ZNF652: variants seen among roughly 807,000 people sequenced by gnomAD.
ZNF652 encodes the protein zinc finger protein 652.
Under a neutral mutation model 45.2 loss-of-function variants are expected in ZNF652, and 16 were observed. The ratio of observed to expected loss-of-function variants is 0.35; its 90% CI spans 0.24 to 0.54. The LOEUF (loss-of-function observed/expected upper bound fraction) is 0.54. Ranked by LOEUF, ZNF652 falls within the 20% of genes least tolerant of loss-of-function variation. The pLI is 0.91. For missense variants in ZNF652, 614 were observed against 765.6 expected, an observed-to-expected ratio of 0.80 and a Z score of 2.34; for synonymous variants, 250 against 260.6, an observed-to-expected ratio of 0.96 and a Z score of 0.39.
rs750023180 is a variant in ZNF652 at position 49,317,062 on chromosome 17, G to A, written c.664C>T (p.Arg222Cys). The change falls in exon 2 of 6, where the codon CGT becomes TGT. Residue 222 changes from arginine (R) to cysteine (C), a missense_variant. Physicochemically the swap from Arg to Cys is radical, Grantham distance 180. Coordinates refer to ENST00000430262, the MANE Select transcript of ZNF652 (RefSeq NM_001145365.3). The part of the protein sequence containing the change: ...GRRKSVEPPK[R>C]KKRATKEPKA... Reference sequence around the variant, plus strand: ...GGCTCCTTTGTGGCCCGCTTCTTACGCTTAGGTGGCTCTACACTCTTCCTA... The same window carrying A: ...GGCTCCTTTGTGGCCCGCTTCTTACACTTAGGTGGCTCTACACTCTTCCTA... 16 of 1,613,916 alleles carry A rather than the reference G, an allele frequency of 9.9e-6. No individual in the cohort carries two copies. The highest frequency in any genetic ancestry group is 4.0e-5 in the African/African-American group (3 of 74,868).
intron 5 of ZNF652, among the ~76,000 whole-genome samples, chr17:49,303,512 T>C (rs1705003744): frequency 6.6e-6 from 1 of 152,132 alleles, no homozygotes; most frequent in African/African-American, 2.4e-5. Flanking sequence ...AGTGCTGAGA[T>C]TACAGGTGTG....
intron 1 of ZNF652, among the ~76,000 whole-genome samples, chr17:49,341,318 A>G (rs1239845710): frequency 6.6e-6 from 1 of 151,928 alleles, no homozygotes; most frequent in Non-Finnish European, 1.5e-5. Context: ...AGAGCACATC[A>G]ACTGAAAAAA....
At chr17:49,313,996 AAAAAAAAAAAAAAAAAAG>A (rs2143782025) in intron 2 of ZNF652, among the ~76,000 whole-genome samples, 2 of 142,806 alleles carry the variant, frequency 1.4e-5, no homozygotes, top group South Asian at 2.3e-4. Context: ...AAAAAAAAAA[AAAAAAAAAAAAAAAAAAG>A]AAAAGAAAAG....
chr17:49,333,921 G>A (rs1432574641), intron 1 of ZNF652, among the ~76,000 whole-genome samples: 2 of 151,928 alleles, frequency 1.3e-5, no homozygotes, highest in African/African-American at 4.8e-5. Flanking sequence ...AGCCTCATAT[G>A]TTACTGGTAG....
At chr17:49,326,991 A>G (rs181396861) in intron 1 of ZNF652, among the ~76,000 whole-genome samples, 76 of 152,188 alleles carry the variant, frequency 5.0e-4, no homozygotes, top group African/African-American at 1.7e-3. Context: ...AAATTTTACC[A>G]ATCTATACCT....
chr17:49,333,545 TAAAAAA>T (rs1182199037), intron 1 of ZNF652, among the ~76,000 whole-genome samples: 5,500 of 48,014 alleles, frequency 0.11, 253 homozygotes, highest in Middle Eastern at 0.26. Context: ...CTGTCTCTAC[TAAAAAA>T]AAAAAAAAAA....
rs2069400291 is a variant in ZNF652, at chr17:49,291,180, A to G, written c.*7233T>C. 1 of 152,146 alleles carries G rather than the reference A, an allele frequency of 6.6e-6. No individual in the cohort carries two copies. Among genetic ancestry groups the G allele is most frequent in the Admixed American group, 6.6e-5 (1 of 15,264 alleles). 9.4% of individuals were successfully genotyped at this position (152,146 alleles called of 1,614,324 possible). On this transcript the variant is annotated 3_prime_UTR_variant, in exon 6 of 6. Coordinates refer to ENST00000430262, the MANE Select transcript of ZNF652 (RefSeq NM_001145365.3). ...GCTCTAGCAGAATAAAATACTTCCC[A>G]CCAACTTTCAAATGCAATGAAACAG...
intron 1 of ZNF652, among the ~76,000 whole-genome samples, chr17:49,353,610 C>G (rs1239796814): frequency 2.0e-5 from 3 of 151,870 alleles, no homozygotes; most frequent in African/African-American, 7.3e-5. Flanking sequence ...GTGTTTTTTT[C>G]AAAGTGCCCA....
In ZNF652 at chr17:49,293,655, T is replaced by TAA. The variant is rs10609861; in HGVS notation, c.*4756_*4757dup. On this transcript the variant is annotated 3_prime_UTR_variant, in exon 6 of 6. Transcript: ENST00000430262. ...CTAATGGCTTATGACCTTTCATTCCTAAAAAAAAAAAAAAAAAAAAAAAAA... is the reference window on the plus strand; with the variant it reads ...CTAATGGCTTATGACCTTTCATTCCTAAAAAAAAAAAAAAAAAAAAAAAAAAA... Among the ~76,000 whole-genome samples the TAA allele has an allele frequency of 2.6e-3, 205 of 78,286 alleles. 7 individuals carry two copies. The highest frequency in any genetic ancestry group is 6.6e-3 in the African/African-American group (158 of 23,954). 51.4% of individuals were successfully genotyped at this position (78,286 alleles called of 152,430 possible). A position where few individuals can be genotyped will look rare whatever the true frequency, so the allele number is the denominator to read the frequency against.
chr17:49,322,943 A>C (rs970032037), intron 1 of ZNF652, among the ~76,000 whole-genome samples: 2 of 152,228 alleles, frequency 1.3e-5, no homozygotes, highest in African/African-American at 4.8e-5. Context: ...TCAGTGAATC[A>C]ATCATTTTGC....
intron 5 of ZNF652, among the ~76,000 whole-genome samples, chr17:49,309,396 T>C (rs1230647094): frequency 7.6e-6 from 1 of 131,334 alleles, no homozygotes. Flanking sequence ...TAATCTCAAC[T>C]ACTAGGGAGG....
intron 1 of ZNF652, among the ~76,000 whole-genome samples, chr17:49,320,153 GA>G (rs1273314616): frequency 6.6e-6 from 1 of 151,602 alleles, no homozygotes; most frequent in African/African-American, 2.4e-5. Flanking sequence ...TCACAACTTT[GA>G]AAAAAATCAG....
intron 1 of ZNF652, among the ~76,000 whole-genome samples, chr17:49,335,119 A>G (rs1443538382): frequency 1.3e-5 from 2 of 152,234 alleles, no homozygotes; most frequent in Admixed American, 6.5e-5. Context: ...ATTTTATAGT[A>G]AATGAATTAT....
At chr17:49,336,171 C>T (rs1380748336) in intron 1 of ZNF652, among the ~76,000 whole-genome samples, 2 of 151,506 alleles carry the variant, frequency 1.3e-5, no homozygotes, top group African/African-American at 4.8e-5. Flanking sequence ...ATTACAGGCA[C>T]GCGCCACCAT....
intron 5 of ZNF652, among the ~76,000 whole-genome samples, chr17:49,310,039 C>T (rs999900628): frequency 1.5e-4 from 23 of 152,096 alleles, no homozygotes; most frequent in Admixed American, 5.2e-4. Flanking sequence ...CTGCAAGCTC[C>T]GCCTCCTGGG....
chr17:49,341,912 G>A (rs768137363), intron 1 of ZNF652, among the ~76,000 whole-genome samples: 1 of 151,944 alleles, frequency 6.6e-6, no homozygotes, highest in Non-Finnish European at 1.5e-5. Context: ...CTGGCCAGGC[G>A]TGGTAGCTCA....
At chr17:49,362,405 G>A (rs1212230150), upstream of ZNF652, 3 of 148,648 alleles carry the variant, frequency 2.0e-5, no homozygotes, top group Non-Finnish European at 4.5e-5. Context: ...GGGCCGGCCC[G>A]GGCGCACCTT....
intron 1 of ZNF652, among the ~76,000 whole-genome samples, chr17:49,318,351 C>T (rs966909100): frequency 1.1e-4 from 17 of 152,192 alleles, no homozygotes; most frequent in African/African-American, 4.1e-4. Context: ...GCTGGGATTA[C>T]AAGCATGAGC....
At chr17:49,361,511 G>A (rs1241021557) in intron 1 of ZNF652, among the ~76,000 whole-genome samples, 2 of 152,206 alleles carry the variant, frequency 1.3e-5, no homozygotes, top group African/African-American at 4.8e-5. Flanking sequence ...GGGGGAGGTA[G>A]TGGGTGCAAG....
Sources: allele counts gnomAD v4.1 joint callset (sites outside exome capture counted in the v4.1 genomes callset), GRCh38; gene constraint gnomAD v4.1.1; transcripts MANE v1.5; gene names NCBI Gene and HGNC (gene_info 2026-07-23, HGNC 2026-07-21).